KLF11: variants seen among roughly 807,000 people sequenced by gnomAD.
The protein encoded by KLF11 is Krueppel-like factor 11.
KLF11 carries 26 observed loss-of-function variants against 29.9 expected under a neutral mutation model. The observed-to-expected ratio is 0.87, with a 90% CI of 0.64 to 1.21. KLF11 has a LOEUF of 1.21. Ranked by LOEUF, KLF11 falls within the 50% of genes most tolerant of loss-of-function variation. The pLI is 0.00. For missense variants in KLF11, 778 were observed against 665.7 expected (o/e 1.17, Z -1.86); for synonymous variants, 318 against 257.4 (o/e 1.24, Z -2.25).
chr2:10,044,096 T>C, intron 1 of KLF11: 1 of 678,726 alleles, frequency 1.5e-6, no homozygotes, highest in Non-Finnish European at 1.8e-6. Flanking sequence ...GGGGAGCGGC[T>C]GGCGGGAACG....
rs775967362 is a variant in KLF11 at position 10,046,144 on chromosome 2, C to T, written c.43-6C>T. 6.2e-7 allele frequency: 1 copy of T among 1,613,456 alleles called. No individual in the cohort carries two copies. Among genetic ancestry groups the T allele is most frequent in the African/African-American group, 1.3e-5 (1 of 75,022 alleles). ...CTGAGAAGCCGTTGTGTTGTGTCGC[C>T]TTTAGGTTGACATCATGGACATATG... is the stretch of plus-strand genomic sequence containing the variant. On this transcript the variant is annotated splice_region_variant and splice_polypyrimidine_tract_variant and intron_variant, in intron 1 of 3. Coordinates refer to ENST00000305883, the MANE Select transcript of KLF11 (RefSeq NM_003597.5).
At position 10,052,766 on chromosome 2, in the gene KLF11, T is replaced by A. The variant is rs1661447388; in HGVS notation, c.*259T>A. 1 of 475,376 alleles carries A rather than the reference T, an allele frequency of 2.1e-6. No homozygotes were observed. Among genetic ancestry groups the A allele is most frequent in the Non-Finnish European group, 3.7e-6 (1 of 269,058 alleles). The allele number at this position is 475,376 out of a possible 1,614,324, so 29.4% of individuals were successfully genotyped here. Reference sequence around the variant, plus strand: ...ATGGTAGAAAATTTGATAATCTGAATCACCAGCATTCAAACAAATATTTCG... The same window carrying A: ...ATGGTAGAAAATTTGATAATCTGAAACACCAGCATTCAAACAAATATTTCG... On this transcript the variant is annotated 3_prime_UTR_variant, in exon 4 of 4. Coordinates refer to ENST00000305883, the MANE Select transcript of KLF11 (RefSeq NM_003597.5).
At chr2:10,045,766 C>G (rs375783438) in intron 1 of KLF11, among the ~76,000 whole-genome samples, 8 of 152,340 alleles carry the variant, frequency 5.3e-5, no homozygotes, top group Non-Finnish European at 8.8e-5. Flanking sequence ...ACTGGCAGAC[C>G]GACTAGATGG....
chr2:10,043,829 A>C, intron 1 of KLF11, 71 bp downstream of exon 1: 2 of 1,293,178 alleles, frequency 1.5e-6, no homozygotes, highest in Non-Finnish European at 2.0e-6. Flanking sequence ...GTGGTGCGGC[A>C]CTCGCGCGCC....
intron 3 of KLF11, 33 bp downstream of exon 3, chr2:10,048,628 A>G (rs371127394): frequency 7.9e-6 from 12 of 1,512,024 alleles, no homozygotes; most frequent in Non-Finnish European, 9.1e-6. Flanking sequence ...CATTGGGCAC[A>G]CCAGACCCTG....
chr2:10,048,127 TA>T lies in KLF11; in HGVS notation c.791del (p.Tyr264LeufsTer12). On this transcript the variant is annotated frameshift_variant, in exon 3 of 4. Transcript: ENST00000305883. LOFTEE classifies it high-confidence loss of function. ...AGTTCAGACTTGCTCACCAAAGAAT[TA>T]TGAAAATGACCTGCCCAGGAAAACC... ...GAVQTCSPKN[Y>X]ENDLPRKTTP... The T allele has an allele frequency of 6.2e-7, 1 of 1,614,118 alleles. No individual in the cohort carries two copies. The highest frequency in any genetic ancestry group is 1.1e-5 in the South Asian group (1 of 91,076).
At chr2:10,045,674 C>G (rs1661172019) in intron 1 of KLF11, among the ~76,000 whole-genome samples, 1 of 152,226 alleles carries the variant, frequency 6.6e-6, no homozygotes, top group Non-Finnish European at 1.5e-5. Context: ...GCGGAAGGCC[C>G]CAGAGTCCCT....
chr2:10,043,873 G>A (rs1372970994), intron 1 of KLF11, 115 bp downstream of exon 1: 1 of 1,108,926 alleles, frequency 9.0e-7, no homozygotes, highest in Non-Finnish European at 1.1e-6. Context: ...GCAGGGCTTC[G>A]CTGCGGCCGC....
chr2:10,051,948 G>A (rs1315869153), intron 3 of KLF11, among the ~76,000 whole-genome samples: 1 of 152,166 alleles, frequency 6.6e-6, no homozygotes, highest in Non-Finnish European at 1.5e-5. Context: ...GCGATTATAG[G>A]TTTGAGCCGC....
intron 3 of KLF11, among the ~76,000 whole-genome samples, chr2:10,050,780 A>G (rs1463031623): frequency 6.6e-6 from 1 of 152,052 alleles, no homozygotes; most frequent in Non-Finnish European, 1.5e-5. Flanking sequence ...TGGAATTTTC[A>G]TGAGAAGTAG....
chr2:10,054,000 G>C lies in KLF11; in HGVS notation c.*1493G>C, dbSNP rs915521179. The C allele has an allele frequency of 2.0e-5, 3 of 152,158 alleles. No individual in the cohort carries two copies. Among genetic ancestry groups the C allele is most frequent in the Non-Finnish European group, 4.4e-5 (3 of 68,020 alleles). 9.4% of individuals were successfully genotyped at this position (152,158 alleles called of 1,614,324 possible). On this transcript the variant is annotated 3_prime_UTR_variant, in exon 4 of 4. Transcript: ENST00000305883. ...GGAATATTGAATAAAATTAGGTTTT[G>C]TGTTTTGTTCTTTGTAGTCTGATAA...
chr2:10,051,969 C>T (rs1288072821), intron 3 of KLF11, among the ~76,000 whole-genome samples: 3 of 152,212 alleles, frequency 2.0e-5, no homozygotes, highest in Non-Finnish European at 4.4e-5. Context: ...TGTACTTGTA[C>T]TTCGCCTGAT....
At chr2:10,050,883 A>T in intron 3 of KLF11, among the ~76,000 whole-genome samples, 1 of 127,260 alleles carries the variant, frequency 7.9e-6, no homozygotes, top group African/African-American at 2.8e-5. Context: ...TAGAGTGAAT[A>T]GATGCTACCT....
At chr2:10,051,004 C>T (rs1467165174) in intron 3 of KLF11, among the ~76,000 whole-genome samples, 2 of 140,328 alleles carry the variant, frequency 1.4e-5, no homozygotes, top group Non-Finnish European at 3.0e-5. Flanking sequence ...CGGGTTCACG[C>T]CATTCTCCTC....
In KLF11 at chr2:10,046,277, G is replaced by C; in HGVS notation, c.170G>C (p.Trp57Ser). Residue 57 changes from tryptophan to serine, a missense_variant, in exon 2 of 4, where the codon TGG becomes TCG. Trp to Ser is a radical substitution (Grantham distance 177). Coordinates refer to ENST00000305883, the MANE Select transcript of KLF11 (RefSeq NM_003597.5). ...GAGGCTCTTGTTTGTATGAGCTCCT[G>C]GGGTCAAAGATCCCAGAAAGGTGAC... is the stretch of plus-strand genomic sequence containing the variant. ...AVEALVCMSS[W>S]GQRSQKGDLL... is the part of the protein sequence containing the mutation. The C allele has an allele frequency of 6.2e-7, 1 of 1,614,166 alleles. No homozygotes were observed. The highest frequency in any genetic ancestry group is 8.5e-7 in the Non-Finnish European group (1 of 1,180,038).
chr2:10,052,235 C>A lies in KLF11; in HGVS notation c.1267C>A (p.Pro423Thr). Residue 423 changes from proline to threonine, a missense_variant, in exon 4 of 4, where the codon CCT (proline) becomes ACT (threonine). Physicochemically the swap from Pro to Thr is conservative, Grantham distance 38. Transcript: ENST00000305883. ...AHLRTHTGEK[P>T]FNCSWDGCDK... ...ATTTTCTCACCTCACAGGGGAGAAG[C>A]CTTTCAACTGCAGCTGGGATGGCTG... 6.2e-7 allele frequency: 1 copy of A among 1,614,094 alleles called. No homozygotes were observed. Among genetic ancestry groups the A allele is most frequent in the Non-Finnish European group, 8.5e-7 (1 of 1,179,992 alleles).
chr2:10,050,650 A>T (rs1313912348), intron 3 of KLF11, among the ~76,000 whole-genome samples: 1 of 152,030 alleles, frequency 6.6e-6, no homozygotes, highest in Admixed American at 6.5e-5. Context: ...CGGAGGTTGC[A>T]GTGAGCCGAG....
chr2:10,044,535 G>A lies in KLF11; in HGVS notation c.42+777G>A, dbSNP rs983690585. 1.1e-4 allele frequency: 81 copies of A among 743,182 alleles called. 1 individual carries two copies. The highest frequency in any genetic ancestry group is 1.3e-4 in the Non-Finnish European group (78 of 608,252). The allele number at this position is 743,182 out of a possible 1,614,324, so 46.0% of individuals were successfully genotyped here. A position where few individuals can be genotyped will look rare whatever the true frequency, so the allele number is the denominator to read the frequency against. ...GCGGGACAGAGGCCGGGGATTTGAG[G>A]TGGCCTCGTCTTGTTTGATCTCGGG... On this transcript the variant is annotated intron_variant, in intron 1 of 3. Transcript: ENST00000305883.
chr2:10,043,577 C>CGCGCGGGCGGGCGAG lies in KLF11; in HGVS notation c.-134_-120dup, dbSNP rs1471269432. The CGCGCGGGCGGGCGAG allele has an allele frequency of 6.9e-6, 3 of 435,738 alleles. No individual in the cohort carries two copies. Among genetic ancestry groups the CGCGCGGGCGGGCGAG allele is most frequent in the African/African-American group, 6.5e-5 (3 of 45,858 alleles). 27.0% of individuals were successfully genotyped at this position (435,738 alleles called of 1,614,324 possible). A position where few individuals can be genotyped will look rare whatever the true frequency, so the allele number is the denominator to read the frequency against. On this transcript the variant is annotated 5_prime_UTR_variant, in exon 1 of 4. Coordinates refer to ENST00000305883, the MANE Select transcript of KLF11 (RefSeq NM_003597.5). ...CGCGAGGGCCGCGCCGGGGCAGAGC[C>CGCGCGGGCGGGCGAG]GCGCGGGCGGGCGAGGCGCGTGCCG...
Sources: allele counts gnomAD v4.1 joint callset (sites outside exome capture counted in the v4.1 genomes callset), GRCh38; gene constraint gnomAD v4.1.1; transcripts MANE v1.5; gene names NCBI Gene and HGNC (gene_info 2026-07-23, HGNC 2026-07-21).